Variants in PTPN2 observed in about 807,000 individuals in gnomAD.
PTPN2 encodes the protein protein tyrosine phosphatase non-receptor type 2.
Under a neutral mutation model 57.3 loss-of-function variants are expected in PTPN2, and 19 were observed. That is an observed-to-expected ratio of 0.33 (90% CI 0.23 to 0.49). The LOEUF (loss-of-function observed/expected upper bound fraction) is 0.49. Ranked by LOEUF, PTPN2 falls within the 20% of genes least tolerant of loss-of-function variation. The probability of loss-of-function intolerance (pLI) is 0.99; values close to 1 mark genes in which losing one functional copy is unlikely to be tolerated. For synonymous variants in PTPN2, 153 were observed against 164.9 expected (o/e 0.93, Z 0.55); for missense variants, 358 against 501.1 (o/e 0.71, Z 2.73).
intron 1 of PTPN2, among the ~76,000 whole-genome samples, chr18:12,882,661 G>A (rs1398963673): frequency 6.6e-6 from 1 of 152,218 alleles, no homozygotes; most frequent in African/African-American, 2.4e-5. Context: ...TCTATAATTG[G>A]AAGAGTCCTT....
At chr18:12,822,209 C>G (rs944915083) in intron 5 of PTPN2, among the ~76,000 whole-genome samples, 1 of 151,950 alleles carries the variant, frequency 6.6e-6, no homozygotes, top group Non-Finnish European at 1.5e-5. Flanking sequence ...ACTGTTTAAA[C>G]TATTTTGAAC....
At chr18:12,849,314 T>C (rs2043313298) in intron 2 of PTPN2, among the ~76,000 whole-genome samples, 1 of 152,214 alleles carries the variant, frequency 6.6e-6, no homozygotes, top group Non-Finnish European at 1.5e-5. Flanking sequence ...ATCCCAGCAC[T>C]TTGGGAGGCC....
chr18:12,831,086 A>C, intron 3 of PTPN2, 45 bp from the exon 4 acceptor site: 3 of 1,384,004 alleles, frequency 2.2e-6, no homozygotes, highest in Non-Finnish European at 3.1e-6. Context: ...AGCAGACAGA[A>C]AGAGCAAGGC....
chr18:12,875,522 A>C (rs188803067), intron 1 of PTPN2, among the ~76,000 whole-genome samples: 3,600 of 139,584 alleles, frequency 0.026, 154 homozygotes, highest in African/African-American at 0.1. Flanking sequence ...TATTATTAAA[A>C]GTTCAGTTTA....
In PTPN2 at chr18:12,792,282, C is replaced by CTTTTTTTTT. The variant is rs34499012; in HGVS notation, c.*1987_*1995dup. On this transcript the variant is annotated 3_prime_UTR_variant, in exon 9 of 9. Coordinates refer to ENST00000309660, the MANE Select transcript of PTPN2 (RefSeq NM_002828.4). ...TCTATCTATACCAATGGTTTTCAAA[C>CTTTTTTTTT]TTTTTTTTTTTTTTTTTTTGAGACG... 1 of 698,316 alleles carries CTTTTTTTTT rather than the reference C, an allele frequency of 1.4e-6. No individual in the cohort carries two copies. Among genetic ancestry groups the CTTTTTTTTT allele is most frequent in the Non-Finnish European group, 1.7e-6 (1 of 582,466 alleles). 43.3% of individuals were successfully genotyped at this position (698,316 alleles called of 1,614,324 possible). A position where few individuals can be genotyped will look rare whatever the true frequency, so the allele number is the denominator to read the frequency against.
downstream of PTPN2, chr18:12,792,109 A>G: frequency 1.6e-6 from 1 of 642,814 alleles, no homozygotes; most frequent in Non-Finnish European, 1.9e-6. Context: ...TCTCCATTTC[A>G]AGGTTACAGG....
intron 1 of PTPN2, among the ~76,000 whole-genome samples, chr18:12,868,779 A>C (rs2044084464): frequency 6.6e-6 from 1 of 151,166 alleles, no homozygotes; most frequent in Admixed American, 6.6e-5. Flanking sequence ...CTGGGATTAC[A>C]GGCGTGAGCT....
rs1385843772 is a variant in PTPN2 at position 12,884,135 on chromosome 18, T to A, written c.7A>T (p.Thr3Ser). Residue 3 changes from threonine (T) to serine (S), a missense_variant, in exon 1 of 9, where the codon ACC becomes TCC. By Grantham distance (58) the Thr-to-Ser change is moderately conservative. Transcript: ENST00000309660. ...TCTTCGAACTCCCGCTCGATGGTGG[T>A]GGGCATGGCTGCGGGAGCGAGCTGG... MP[T>S]TIEREFEELD... is the part of the protein sequence containing the mutation. The A allele has an allele frequency of 1.3e-6, 2 of 1,583,990 alleles. No homozygotes were observed. The highest frequency in any genetic ancestry group is 2.7e-5 in the African/African-American group (2 of 73,804).
intron 9 of PTPN2, chr18:12,786,692 T>G (rs1009312619): frequency 6.6e-6 from 1 of 152,222 alleles, no homozygotes; most frequent in Admixed American, 6.5e-5. Flanking sequence ...TCTTCACATA[T>G]ATATTAAGAA....
intron 1 of PTPN2, among the ~76,000 whole-genome samples, chr18:12,865,377 G>A (rs2043955245): frequency 6.6e-6 from 1 of 151,464 alleles, no homozygotes; most frequent in Non-Finnish European, 1.5e-5. Flanking sequence ...CAAAGCTGCA[G>A]TAAGCCGTGA....
intron 1 of PTPN2, chr18:12,864,035 C>T (rs565286933): frequency 7.9e-5 from 12 of 152,254 alleles, no homozygotes; most frequent in African/African-American, 2.9e-4. Context: ...AATCGTGGTA[C>T]ATCCAAGTGA....
At chr18:12,816,717 T>C (rs1184928627) in intron 6 of PTPN2, among the ~76,000 whole-genome samples, 1 of 152,202 alleles carries the variant, frequency 6.6e-6, no homozygotes, top group East Asian at 1.9e-4. Flanking sequence ...CATCAGGGAC[T>C]CTTCTAAGTC....
chr18:12,816,029 C>T (rs192197050), intron 6 of PTPN2, among the ~76,000 whole-genome samples: 51 of 152,106 alleles, frequency 3.4e-4, no homozygotes, highest in Admixed American at 4.6e-4. Flanking sequence ...TTGTGTCAAG[C>T]GTGGTGGCTC....
At position 12,859,224 on chromosome 18, in the gene PTPN2, G is replaced by A; in HGVS notation, c.100C>T (p.His34Tyr). Residue 34 changes from histidine (H) to tyrosine (Y), a missense_variant, in exon 2 of 9, where the codon CAT becomes TAT. His to Tyr is a moderately conservative substitution (Grantham distance 83, BLOSUM62 2). Transcript: ENST00000309660. ...EIRNESHDYP[H>Y]RVAKFPENRN... ...TTTTCTGGAAACTTGGCCACTCTAT[G>A]AGGATAGTCATGGGACTCATTTCGA... 1 of 1,613,078 alleles carries A rather than the reference G, an allele frequency of 6.2e-7. No homozygotes were observed. Among genetic ancestry groups the A allele is most frequent in the Non-Finnish European group, 8.5e-7 (1 of 1,179,230 alleles).
At chr18:12,821,220 C>T (rs1199868167) in intron 5 of PTPN2, 1 of 152,124 alleles carries the variant, frequency 6.6e-6, no homozygotes, top group Non-Finnish European at 1.5e-5. Context: ...TACTACTTAC[C>T]TTACAAAACT....
Position 12,814,189 on chromosome 18 carries a change from T to C in PTPN2, c.858+14A>G, listed in dbSNP as rs200466831. On this transcript the variant is annotated intron_variant, in intron 7 of 8. Transcript: ENST00000309660. ...TAACAAATAGATATGATTTAAAACC[T>C]GTATGAAGTTTACCTGTATACTAGA... is the stretch of plus-strand genomic sequence containing the variant. 1.5e-4 allele frequency: 225 copies of C among 1,538,962 alleles called. No homozygotes were observed. In the Middle Eastern group the frequency reaches 1.6e-3, roughly 11 times the overall value.
At chr18:12,802,970 C>T (rs1029487507) in intron 7 of PTPN2, among the ~76,000 whole-genome samples, 1 of 152,162 alleles carries the variant, frequency 6.6e-6, no homozygotes, top group Non-Finnish European at 1.5e-5. Flanking sequence ...AACTCCATTG[C>T]TGTAACTGTG....
In PTPN2 at chr18:12,798,720, G is replaced by A. The variant is rs115544436; in HGVS notation, c.1040+3250C>T. On this transcript the variant is annotated intron_variant, in intron 8 of 8. Transcript: ENST00000309660. ...GAATAGTGCTGCAATCAACATACGC[G>A]TGTGTTTACATCTTTACAGTACAAT... Among the ~76,000 whole-genome samples the A allele has an allele frequency of 5.9e-3, 892 of 152,294 alleles. 7 individuals are homozygous for A. Among genetic ancestry groups the A allele is most frequent in the African/African-American group, 0.02 (848 of 41,566 alleles).
chr18:12,800,289 T>G (rs1308122904), intron 8 of PTPN2, among the ~76,000 whole-genome samples: 1 of 152,144 alleles, frequency 6.6e-6, no homozygotes, highest in African/African-American at 2.4e-5. Flanking sequence ...TCAACACTTC[T>G]GAAATACTAA....
Sources: allele counts gnomAD v4.1 joint callset (sites outside exome capture counted in the v4.1 genomes callset), GRCh38; gene constraint gnomAD v4.1.1; transcripts MANE v1.5; gene names NCBI Gene and HGNC (gene_info 2026-07-23, HGNC 2026-07-21).